The following CNNM2 variants were observed in gnomAD, a reference collection of about 807,000 sequenced individuals.
The protein encoded by CNNM2 is cyclin and CBS domain divalent metal cation transport mediator 2.
In CNNM2, 12 loss-of-function variants were observed where a neutral mutation model predicts 66.9. The observed-to-expected ratio is 0.18, with a 90% CI of 0.11 to 0.29. The LOEUF (loss-of-function observed/expected upper bound fraction) is 0.29. Among genes scored for constraint, CNNM2 ranks in the 10% least tolerant of loss-of-function variants. The pLI, the probability that CNNM2 is intolerant of heterozygous loss-of-function variation, is 1.00. For missense variants in CNNM2, 705 were observed against 1,167.7 expected (o/e 0.60, Z 5.77); for synonymous variants, 557 against 501.8 (o/e 1.11, Z -1.47).
intron 1 of CNNM2, among the ~76,000 whole-genome samples, chr10:102,983,880 C>T (rs2063756362): frequency 6.6e-6 from 1 of 152,060 alleles, no homozygotes; most frequent in African/African-American, 2.4e-5. Flanking sequence ...ATCCTCCTGC[C>T]TCAGCCTCCT....
chr10:102,956,675 G>A (rs1426564399), intron 1 of CNNM2, among the ~76,000 whole-genome samples: 2 of 152,246 alleles, frequency 1.3e-5, no homozygotes, highest in East Asian at 1.9e-4. Context: ...TTGCAGGGAC[G>A]TGGATGAAGC....
intron 1 of CNNM2, among the ~76,000 whole-genome samples, chr10:102,978,654 A>C (rs1337167408): frequency 6.6e-6 from 1 of 152,212 alleles, no homozygotes; most frequent in East Asian, 1.9e-4. Flanking sequence ...GATGTTTATA[A>C]GCACACACAA....
chr10:102,988,395 G>A (rs1260026213), intron 1 of CNNM2, among the ~76,000 whole-genome samples: 2 of 152,148 alleles, frequency 1.3e-5, no homozygotes, highest in African/African-American at 4.8e-5. Flanking sequence ...GTTTTAGACT[G>A]AAACCTGTGA....
chr10:103,019,005 C>T (rs574595978), intron 1 of CNNM2, among the ~76,000 whole-genome samples: 9 of 150,454 alleles, frequency 6.0e-5, no homozygotes, highest in Admixed American at 3.3e-4. Flanking sequence ...CAGTGGCTCA[C>T]GCCTGTAATC....
At chr10:102,949,332 C>T (rs1333384209) in intron 1 of CNNM2, among the ~76,000 whole-genome samples, 1 of 152,000 alleles carries the variant, frequency 6.6e-6, no homozygotes, top group African/African-American at 2.4e-5. Flanking sequence ...CATGCCACCA[C>T]GCCTGGCTAA....
At chr10:103,067,846 T>C (rs537113298) in intron 4 of CNNM2, among the ~76,000 whole-genome samples, 3 of 152,272 alleles carry the variant, frequency 2.0e-5, no homozygotes, top group African/African-American at 7.2e-5. Context: ...AAGGAGACTT[T>C]CTTCAAACTG....
intron 1 of CNNM2, among the ~76,000 whole-genome samples, chr10:103,013,462 A>C (rs1406599893): frequency 6.6e-6 from 1 of 152,166 alleles, no homozygotes. Flanking sequence ...AAGGAAGGGA[A>C]ATCTGCTACC....
In CNNM2 at chr10:103,080,678, G is replaced by C. The variant is rs945807204; in HGVS notation, c.*3498G>C. 9.9e-5 allele frequency: 15 copies of C among 152,180 alleles called. No homozygotes were observed. The highest frequency in any genetic ancestry group is 2.1e-4 in the Non-Finnish European group (14 of 68,042). 9.4% of individuals were successfully genotyped at this position (152,180 alleles called of 1,614,324 possible). On this transcript the variant is annotated 3_prime_UTR_variant, in exon 8 of 8. Transcript: ENST00000369878. ...GAATGCAGAGCTTCACACTAATACG[G>C]AACAGTAACTGTGAGTATATTTACC... is the stretch of plus-strand genomic sequence containing the variant.
chr10:103,010,183 C>T (rs974886793), intron 1 of CNNM2, among the ~76,000 whole-genome samples: 1 of 151,868 alleles, frequency 6.6e-6, no homozygotes, highest in Non-Finnish European at 1.5e-5. Flanking sequence ...TGTTCATATA[C>T]AAGAGGAAAA....
At chr10:102,945,338 C>G (rs1450410436) in intron 1 of CNNM2, among the ~76,000 whole-genome samples, 1 of 152,080 alleles carries the variant, frequency 6.6e-6, no homozygotes, top group Non-Finnish European at 1.5e-5. Context: ...GGACTAGAAC[C>G]TGGGTTTCCT....
intron 1 of CNNM2, among the ~76,000 whole-genome samples, chr10:102,932,597 A>G (rs1036184404): frequency 5.9e-5 from 9 of 152,140 alleles, no homozygotes; most frequent in Middle Eastern, 3.4e-3. Flanking sequence ...TTCTTTCTCC[A>G]TTGAATTGTC....
At chr10:102,994,623 G>T (rs1353090815) in intron 1 of CNNM2, among the ~76,000 whole-genome samples, 1 of 152,214 alleles carries the variant, frequency 6.6e-6, no homozygotes, top group Non-Finnish European at 1.5e-5. Context: ...CACTGCCATG[G>T]TTAGGAAACC....
intron 1 of CNNM2, among the ~76,000 whole-genome samples, chr10:102,953,889 T>A (rs552616724): frequency 6.6e-6 from 1 of 152,040 alleles, no homozygotes; most frequent in Non-Finnish European, 1.5e-5. Context: ...TTATTGACTA[T>A]ATGCGAGGTA....
Position 102,918,509 on chromosome 10 carries a change from A to G in CNNM2, c.29A>G (p.Lys10Arg). The change falls in exon 1 of 8, where the codon AAA (lysine) becomes AGA (arginine). Residue 10 changes from lysine to arginine, a missense_variant. Transcript: ENST00000369878. The surrounding 1 kb of genome is among the most constrained non-coding windows in gnomAD (Gnocchi z 4.1). The part of the protein sequence containing the change: MIGCGACEP[K>R]VKMAGGQAAA... ...ATTGGCTGTGGCGCTTGTGAACCCA[A>G]AGTAAAGATGGCGGGCGGGCAGGCA... 6.2e-7 allele frequency: 1 copy of G among 1,607,306 alleles called. No homozygotes were observed. Among genetic ancestry groups the G allele is most frequent in the Non-Finnish European group, 8.5e-7 (1 of 1,178,328 alleles).
chr10:102,977,750 G>A (rs1193528802), intron 1 of CNNM2, among the ~76,000 whole-genome samples: 2 of 152,120 alleles, frequency 1.3e-5, no homozygotes, highest in Non-Finnish European at 2.9e-5. Context: ...GAACTCTGGA[G>A]GCGGAGGTTG....
chr10:102,918,672 A>G lies in CNNM2; in HGVS notation c.192A>G (p.Ala64=). 6.4e-7 allele frequency: 1 copy of G among 1,551,772 alleles called. No individual in the cohort carries two copies. Among genetic ancestry groups the G allele is most frequent in the Non-Finnish European group, 8.7e-7 (1 of 1,148,186 alleles). Residue 64 remains alanine, a synonymous_variant, in exon 1 of 8, where the codon GCA becomes GCG. Coordinates refer to ENST00000369878, the MANE Select transcript of CNNM2 (RefSeq NM_017649.5). The surrounding 1 kb of genome is among the most constrained non-coding windows in gnomAD (Gnocchi z 4.1). The part of the protein sequence containing the change: ...LSCCCGAGGC[A]AVGENEETVI... ...GCTGCTGCGGTGCGGGCGGCTGCGC[A>G]GCGGTGGGCGAGAATGAGGAGACGG...
chr10:102,926,217 T>C (rs797001408), intron 1 of CNNM2, among the ~76,000 whole-genome samples: 8 of 152,274 alleles, frequency 5.3e-5, no homozygotes, highest in African/African-American at 1.7e-4. Context: ...ATAATATAAG[T>C]GAAATTCTCA....
intron 1 of CNNM2, among the ~76,000 whole-genome samples, chr10:102,997,678 A>G (rs1431973961): frequency 6.6e-6 from 1 of 152,168 alleles, no homozygotes; most frequent in African/African-American, 2.4e-5. Flanking sequence ...AGACCCAAAT[A>G]ATATAAAGTT....
rs1207958047 is a variant in CNNM2, at chr10:103,088,319, A to C, written c.*11139A>C. On this transcript the variant is annotated 3_prime_UTR_variant, in exon 8 of 8. Coordinates refer to ENST00000369878, the MANE Select transcript of CNNM2 (RefSeq NM_017649.5). ...TTCACTGTACTGGTGAAACAGTTTT[A>C]ATACCCTAACATACACAGTAATGAT... 1 of 152,266 alleles carries C rather than the reference A, an allele frequency of 6.6e-6. No individual in the cohort carries two copies. Among genetic ancestry groups the C allele is most frequent in the Non-Finnish European group, 1.5e-5 (1 of 68,046 alleles). The allele number at this position is 152,266 out of a possible 1,614,324, so 9.4% of individuals were successfully genotyped here. A position where few individuals can be genotyped will look rare whatever the true frequency, so the allele number is the denominator to read the frequency against.
Sources: gnomAD v4.1 joint callset for allele counts (sites outside exome capture counted in the v4.1 genomes callset) on GRCh38, gnomAD v4.1.1 for gene constraint, Gnocchi (gnomAD v3.1) non-coding constraint, MANE v1.5 for transcripts, NCBI Gene and HGNC (gene_info 2026-07-23, HGNC 2026-07-21) for gene names.